TIMP1: variants seen among roughly 807,000 people sequenced by gnomAD.
TIMP1 encodes metalloproteinase inhibitor 1.
Under a neutral mutation model 13.7 loss-of-function variants are expected in TIMP1, and 5 were observed. That is an observed-to-expected ratio of 0.36 (90% CI 0.19 to 0.76). The LOEUF (loss-of-function observed/expected upper bound fraction) is 0.76, where lower values mean the gene tolerates loss of function less well. Ranked by LOEUF, TIMP1 falls within the 30% of genes least tolerant of loss-of-function variation. The pLI is 0.51. For missense variants in TIMP1, 131 were observed against 168.4 expected (o/e 0.78, Z 1.23); for synonymous variants, 63 against 67.1 (o/e 0.94, Z 0.30).
chrX:47,586,391 G>A (rs780731368), intron 5 of TIMP1, 130 bp from the exon 6 acceptor site: 578 of 1,095,636 alleles, frequency 5.3e-4, no homozygotes, highest in Middle Eastern at 3.1e-3. Context: ...GGCTGTCCTG[G>A]GGTATGTACT....
intron 5 of TIMP1, chrX:47,586,001 C>G: frequency 9.8e-7 from 1 of 1,019,705 alleles, no homozygotes; most frequent in Non-Finnish European, 1.3e-6. Flanking sequence ...TCCAAGAACC[C>G]AAAGTGCTGT....
Position 47,584,957 on chromosome X carries a change from G to A in TIMP1, c.143G>A (p.Gly48Glu), listed in dbSNP as rs1311258070. The change falls in exon 3 of 6, where the codon GGG becomes GAG. Residue 48 changes from glycine to glutamate, a missense_variant. Gly to Glu is a moderately conservative substitution (Grantham distance 98). Transcript: ENST00000218388. ...SDLVIRAKFV[G>E]TPEVNQTTLY... is the part of the protein sequence containing the mutation. Reference sequence around the variant, plus strand: ...GCAGTCATCAGGGCCAAGTTCGTGGGGACACCAGAAGTCAACCAGACCACC... The same window carrying A: ...GCAGTCATCAGGGCCAAGTTCGTGGAGACACCAGAAGTCAACCAGACCACC... The A allele has an allele frequency of 8.3e-7, 1 of 1,208,890 alleles. No individual in the cohort carries two copies. Among genetic ancestry groups the A allele is most frequent in the Non-Finnish European group, 1.1e-6 (1 of 894,910 alleles).
At chrX:47,585,164 T>C (rs755153425) in intron 3 of TIMP1, 41 bp from the exon 4 acceptor site, 1 of 1,169,366 alleles carries the variant, frequency 8.6e-7, no homozygotes, top group Admixed American at 2.4e-5. Context: ...AGTGGGAGGA[T>C]TATGTCAGTA....
intron 5 of TIMP1, 126 bp downstream of exon 5, chrX:47,585,793 T>G: frequency 8.6e-7 from 1 of 1,158,370 alleles, no homozygotes; most frequent in Non-Finnish European, 1.1e-6. Context: ...CCCTAAGGGC[T>G]GTCCCTGATC....
intron 1 of TIMP1, 35 bp from the exon 2 acceptor site, chrX:47,583,373 G>A: frequency 6.0e-6 from 7 of 1,171,526 alleles, no homozygotes; most frequent in Non-Finnish European, 8.0e-6. Flanking sequence ...AGATCAGCTG[G>A]GCCGGGGCCT....
At chrX:47,583,297 A>G (rs964366522) in intron 1 of TIMP1, 111 bp from the exon 2 acceptor site, 2 of 546,674 alleles carry the variant, frequency 3.7e-6, no homozygotes, top group African/African-American at 4.7e-5. Context: ...GCCCAAATCC[A>G]GCCCCCTAAT....
intron 3 of TIMP1, 82 bp from the exon 4 acceptor site, chrX:47,585,123 G>A: frequency 8.6e-7 from 1 of 1,166,992 alleles, no homozygotes; most frequent in Non-Finnish European, 1.2e-6. Context: ...TGTGATCTTG[G>A]GATGCTATAT....
At chrX:47,583,009 A>T (rs1371253849) in intron 1 of TIMP1, among the ~76,000 whole-genome samples, 2 of 81,890 alleles carry the variant, frequency 2.4e-5, no homozygotes, top group Non-Finnish European at 4.5e-5. Flanking sequence ...CCAGCCTCTT[A>T]TATCTCTTAA....
intron 5 of TIMP1, chrX:47,586,071 T>G: frequency 1.0e-6 from 1 of 956,298 alleles, no homozygotes; most frequent in East Asian, 6.3e-5. Context: ...GCTCTGACTA[T>G]TCCAGACACC....
chrX:47,585,873 A>G (rs1379507258), intron 5 of TIMP1: 63 of 1,138,612 alleles, frequency 5.5e-5, no homozygotes, highest in Non-Finnish European at 7.3e-5. Context: ...CCCTGTGTCC[A>G]ATACCGTGTG....
chrX:47,583,636 C>T (rs2057809520), intron 2 of TIMP1, 100 bp downstream of exon 2: 2 of 949,226 alleles, frequency 2.1e-6, no homozygotes, highest in African/African-American at 2.0e-5. Context: ...ATTCCACTCG[C>T]CCCTGCACTT....
At chrX:47,584,899 C>T in intron 2 of TIMP1, 37 bp from the exon 3 acceptor site, 2 of 1,117,292 alleles carry the variant, frequency 1.8e-6, no homozygotes, top group Non-Finnish European at 2.5e-6. Flanking sequence ...TTGGCTCATG[C>T]AGTCCATTTG....
At chrX:47,585,992 C>T in intron 5 of TIMP1, 8 of 1,027,460 alleles carry the variant, frequency 7.8e-6, no homozygotes, top group Non-Finnish European at 8.8e-6. Context: ...AGAATGTTCT[C>T]CAAGAACCCA....
chrX:47,585,121 T>TG, intron 3 of TIMP1, 84 bp from the exon 4 acceptor site: 1 of 1,166,581 alleles, frequency 8.6e-7, no homozygotes, highest in Non-Finnish European at 1.2e-6. Context: ...GCTGTGATCT[T>TG]GGGATGCTAT....
At chrX:47,586,064 C>G (rs1352682282) in intron 5 of TIMP1, 2 of 958,698 alleles carry the variant, frequency 2.1e-6, no homozygotes, top group Middle Eastern at 3.0e-4. Context: ...CTCTGCAGCT[C>G]TGACTATTCC....
chrX:47,586,080 C>A (rs2057824884), intron 5 of TIMP1: 1 of 952,582 alleles, frequency 1.0e-6, no homozygotes, highest in African/African-American at 2.0e-5. Context: ...ATTCCAGACA[C>A]CAGAGGGTGT....
Position 47,585,247 on chromosome X carries a change from C to T in TIMP1, c.244C>T (p.Arg82Trp), listed in dbSNP as rs760118306. The T allele has an allele frequency of 6.7e-5, 80 of 1,202,614 alleles. No homozygotes were observed. The Admixed American group carries it at 1.5e-3, about 23-fold the overall frequency. The change falls in exon 4 of 6, where the codon CGG (arginine) becomes TGG (tryptophan). Residue 82 changes from arginine to tryptophan, a missense_variant. Transcript: ENST00000218388. Reference protein sequence around the residue: ...FQALGDAADIRFVYTPAMESV... With the variant: ...FQALGDAADIWFVYTPAMESV... The stretch of plus-strand genomic sequence containing the variant: ...AGCCTTAGGGGATGCCGCTGACATC[C>T]GGTTCGTCTACACCCCCGCCATGGA...
Position 47,585,283 on chromosome X carries a change from G to A in TIMP1, c.280G>A (p.Gly94Arg), listed in dbSNP as rs1319834840. ...VYTPAMESVC[G>R]YFHRSHNRSE... ...CACCCCCGCCATGGAGAGTGTCTGC[G>A]GATACTTCCACAGGTCCCACAACCG... The change falls in exon 4 of 6, where the codon GGA (glycine) becomes AGA (arginine). Residue 94 changes from glycine (G) to arginine (R), a missense_variant. Gly to Arg is a moderately radical substitution (Grantham distance 125, BLOSUM62 -2). Transcript: ENST00000218388. The A allele has an allele frequency of 1.2e-5, 14 of 1,211,473 alleles. No homozygotes were observed. The highest frequency in any genetic ancestry group is 3.5e-5 in the South Asian group (2 of 56,878).
rs919546295 is a variant in TIMP1, at chrX:47,586,589, C to T, written c.522C>T (p.Leu174=). 7 of 1,210,726 alleles carry T rather than the reference C, an allele frequency of 5.8e-6. No homozygotes were observed. Among genetic ancestry groups the T allele is most frequent in the Non-Finnish European group, 6.7e-6 (6 of 895,350 alleles). The part of the protein sequence containing the change: ...SGTHCLWTDQ[L]LQGSEKGFQS... The stretch of plus-strand genomic sequence containing the variant: ...CTCATTGCTTGTGGACGGACCAGCT[C>T]CTCCAAGGCTCTGAAAAGGGCTTCC... Residue 174 remains leucine, a synonymous_variant, in exon 6 of 6, where the codon CTC becomes CTT. Transcript: ENST00000218388.
Sources: allele counts gnomAD v4.1 joint callset (sites outside exome capture counted in the v4.1 genomes callset), GRCh38; gene constraint gnomAD v4.1.1; transcripts MANE v1.5; gene names NCBI Gene and HGNC (gene_info 2026-07-23, HGNC 2026-07-21).